PTPRK: variants seen among roughly 807,000 people sequenced by gnomAD.
The protein encoded by PTPRK is receptor-type tyrosine-protein phosphatase kappa.
A neutral mutation model predicts 178.0 loss-of-function variants in PTPRK; 75 were observed. The ratio of observed to expected loss-of-function variants is 0.42; its 90% confidence interval spans 0.35 to 0.51. The LOEUF is 0.51. PTPRK is among the 20% of genes least tolerant of loss of function. The pLI is 0.02. For missense variants in PTPRK, 1,441 were observed against 1,797.8 expected, an observed-to-expected ratio of 0.80 and a Z score of 3.59; for synonymous variants, 637 against 620.6, an observed-to-expected ratio of 1.03 and a Z score of -0.39.
intron 7 of PTPRK, among the ~76,000 whole-genome samples, chr6:128,111,595 A>G (rs1250333956): frequency 2.0e-4 from 30 of 150,886 alleles, no homozygotes; most frequent in Non-Finnish European, 2.8e-4. Context: ...GCTTACTTAA[A>G]ATGTACCTAT....
At chr6:128,021,904 A>G (rs1211235261) in intron 13 of PTPRK, among the ~76,000 whole-genome samples, 1 of 152,194 alleles carries the variant, frequency 6.6e-6, no homozygotes, top group East Asian at 1.9e-4. Context: ...TCTTTTATAT[A>G]TATTCTAAGA....
chr6:128,039,869 C>T (rs1184108892), intron 13 of PTPRK, among the ~76,000 whole-genome samples: 1 of 152,132 alleles, frequency 6.6e-6, no homozygotes, highest in Non-Finnish European at 1.5e-5. Context: ...ATAATACTTT[C>T]TGAATGGATG....
At chr6:128,319,118 A>G (rs1195943733) in intron 3 of PTPRK, among the ~76,000 whole-genome samples, 1 of 152,210 alleles carries the variant, frequency 6.6e-6, no homozygotes, top group Non-Finnish European at 1.5e-5. Flanking sequence ...GTGTGATTTA[A>G]GAAAAATACA....
chr6:128,393,279 C>T (rs140825776), intron 2 of PTPRK, among the ~76,000 whole-genome samples: 7,403 of 151,816 alleles, frequency 0.049, 226 homozygotes, highest in Non-Finnish European at 0.059. Context: ...TTAGTAGAGA[C>T]GGGGTTTCAC....
intron 2 of PTPRK, among the ~76,000 whole-genome samples, chr6:128,350,188 T>TG (rs1317423840): frequency 1.3e-5 from 2 of 151,862 alleles, no homozygotes; most frequent in African/African-American, 4.8e-5. Flanking sequence ...AAAAAGGAGT[T>TG]GGAGGATCAA....
At chr6:128,206,560 A>G (rs971660892) in intron 6 of PTPRK, among the ~76,000 whole-genome samples, 2 of 152,150 alleles carry the variant, frequency 1.3e-5, no homozygotes, top group African/African-American at 4.8e-5. Context: ...AGATACTTAA[A>G]AATATATAGG....
chr6:128,441,305 G>A (rs1248523167), intron 1 of PTPRK, among the ~76,000 whole-genome samples: 1 of 152,090 alleles, frequency 6.6e-6, no homozygotes, highest in East Asian at 1.9e-4. Flanking sequence ...ACCCAAATTA[G>A]TCTGTAAACG....
At chr6:128,173,009 G>T (rs1266491296) in intron 7 of PTPRK, among the ~76,000 whole-genome samples, 4 of 151,910 alleles carry the variant, frequency 2.6e-5, no homozygotes, top group Admixed American at 2.6e-4. Flanking sequence ...ACAATGAGAA[G>T]TAAGAGAGCA....
chr6:128,457,894 C>A (rs370598211), intron 1 of PTPRK, among the ~76,000 whole-genome samples: 35 of 152,192 alleles, frequency 2.3e-4, no homozygotes, highest in Non-Finnish European at 3.8e-4. Flanking sequence ...CCCTTTTTAT[C>A]CAAACACGAA....
intron 1 of PTPRK, among the ~76,000 whole-genome samples, chr6:128,500,242 A>C (rs993558466): frequency 6.6e-6 from 1 of 152,210 alleles, no homozygotes; most frequent in African/African-American, 2.4e-5. Context: ...AATCTTTATC[A>C]GGCCCTGCTG....
Position 128,082,600 on chromosome 6 carries a change from A to G in PTPRK, c.1614T>C (p.Val538=), listed in dbSNP as rs17828130. ...CAGTCTGGGGAGGTCCAGCCACTGG[A>G]ACTGCAGGATCAAATGATCTTATAC... ...YSSIRSFDPA[V]PVAGPPQTVS... is the part of the protein sequence containing the mutation. Residue 538 remains valine, a synonymous_variant, in exon 10 of 30, where the codon GTT becomes GTC. Coordinates refer to ENST00000368226, the MANE Select transcript of PTPRK (RefSeq NM_002844.4). 0.62 allele frequency: 990,130 copies of G among 1,609,124 alleles called. 314,338 individuals are homozygous for G. Among genetic ancestry groups the G allele is most frequent in the Admixed American group, 0.7 (41,629 of 59,792 alleles).
At chr6:128,247,287 G>T (rs745831039) in intron 3 of PTPRK, among the ~76,000 whole-genome samples, 1 of 151,812 alleles carries the variant, frequency 6.6e-6, no homozygotes, top group East Asian at 1.9e-4. Context: ...AAGAGCCCAG[G>T]CTCCAAAGTC....
chr6:128,432,018 A>AAAGG (rs1175325173), intron 1 of PTPRK, among the ~76,000 whole-genome samples: 16 of 152,130 alleles, frequency 1.1e-4, no homozygotes, highest in Admixed American at 5.9e-4. Context: ...GAGGGAAGAG[A>AAAGG]AAGGAAGGAA....
At chr6:128,356,393 G>GACA (rs1327719720) in intron 2 of PTPRK, among the ~76,000 whole-genome samples, 1 of 152,098 alleles carries the variant, frequency 6.6e-6, no homozygotes, top group African/African-American at 2.4e-5. Context: ...TGACCCTTCT[G>GACA]ACAGCTGAAA....
chr6:128,114,012 G>A (rs973782337), intron 7 of PTPRK, among the ~76,000 whole-genome samples: 1 of 152,042 alleles, frequency 6.6e-6, no homozygotes, highest in Admixed American at 6.6e-5. Context: ...TTGATAATAA[G>A]GCATCAAGTA....
intron 3 of PTPRK, among the ~76,000 whole-genome samples, chr6:128,284,427 A>G (rs970796709): frequency 7.9e-5 from 12 of 152,202 alleles, no homozygotes; most frequent in Admixed American, 7.9e-4. Context: ...ATTTGTTTAT[A>G]GATACTGACC....
At chr6:128,425,225 G>T (rs1204844656) in intron 1 of PTPRK, among the ~76,000 whole-genome samples, 1 of 151,920 alleles carries the variant, frequency 6.6e-6, no homozygotes, top group Admixed American at 6.6e-5. Flanking sequence ...CTATAGGCAT[G>T]TGTCACCATG....
chr6:128,202,938 CA>C (rs139177455), intron 6 of PTPRK, among the ~76,000 whole-genome samples: 3,777 of 152,150 alleles, frequency 0.025, 98 homozygotes, highest in African/African-American at 0.067. Context: ...CAAAACTTGA[CA>C]GAGATACAAC....
At chr6:128,235,536 C>T in intron 5 of PTPRK, 1 of 494,572 alleles carries the variant, frequency 2.0e-6, no homozygotes, top group Non-Finnish European at 4.2e-6. Flanking sequence ...GGAATACAGA[C>T]ATCCTTCCTT....
Sources: allele counts gnomAD v4.1 joint callset (sites outside exome capture counted in the v4.1 genomes callset), GRCh38; gene constraint gnomAD v4.1.1; transcripts MANE v1.5; gene names NCBI Gene and HGNC (gene_info 2026-07-23, HGNC 2026-07-21).